PAX3: variants seen among roughly 807,000 people sequenced by gnomAD.
The protein encoded by PAX3 is paired box protein Pax-3.
PAX3 carries 14 observed loss-of-function variants against 51.6 expected under a neutral mutation model. The ratio of observed to expected loss-of-function variants is 0.27; its 90% CI spans 0.18 to 0.42. The LOEUF is 0.42. PAX3 is among the 10% of genes least tolerant of loss of function. PAX3 has a pLI of 1.00. For synonymous variants in PAX3, 280 were observed against 253.4 expected, an observed-to-expected ratio of 1.11 and a Z score of -1.00; for missense variants, 540 against 642.8, an observed-to-expected ratio of 0.84 and a Z score of 1.73.
At chr2:222,205,034 G>A (rs1430461029) in intron 7 of PAX3, among the ~76,000 whole-genome samples, 1 of 152,112 alleles carries the variant, frequency 6.6e-6, no homozygotes, top group African/African-American at 2.4e-5. Flanking sequence ...ATAGGGGATG[G>A]GGGAACTCAA....
chr2:222,296,716 G>T (rs939428742), intron 2 of PAX3, among the ~76,000 whole-genome samples: 1 of 152,162 alleles, frequency 6.6e-6, no homozygotes, highest in Admixed American at 6.5e-5. Context: ...AATTTGATGA[G>T]GATTGCAAGG....
rs761001038 is a variant in PAX3, at chr2:222,221,746, C to T, written c.793-359G>A. On this transcript the variant is annotated intron_variant, in intron 5 of 8. Transcript: ENST00000392070. ...CAGCCTTCTGGGGAGGATACATGAGCCTCTGTGACCCCTGCATGACGCATG... is the reference window on the plus strand; with the variant it reads ...CAGCCTTCTGGGGAGGATACATGAGTCTCTGTGACCCCTGCATGACGCATG... 2.2e-4 allele frequency: 65 copies of T among 299,674 alleles called. 1 individual carries two copies. The highest frequency in any genetic ancestry group is 9.1e-5 in the Non-Finnish European group (14 of 153,604). The allele number at this position is 299,674 out of a possible 1,614,324, so 18.6% of individuals were successfully genotyped here. A position where few individuals can be genotyped will look rare whatever the true frequency, so the allele number is the denominator to read the frequency against.
intron 4 of PAX3, among the ~76,000 whole-genome samples, chr2:222,251,512 T>A (rs1693432013): frequency 6.6e-6 from 1 of 152,214 alleles, no homozygotes; most frequent in Admixed American, 6.5e-5. Flanking sequence ...TCTATCATTG[T>A]TGGACATTTG....
intron 4 of PAX3, among the ~76,000 whole-genome samples, chr2:222,291,250 C>T (rs1373527255): frequency 6.6e-6 from 1 of 152,194 alleles, no homozygotes; most frequent in African/African-American, 2.4e-5. Flanking sequence ...GCCTCTGCTC[C>T]AGTCTCAGCG....
intron 5 of PAX3, among the ~76,000 whole-genome samples, chr2:222,226,453 G>C (rs116824804): frequency 5.9e-5 from 9 of 152,064 alleles, no homozygotes; most frequent in Non-Finnish European, 1.3e-4. Context: ...CATGTGAAAA[G>C]ACCATGGACA....
At chr2:222,292,633 G>A (rs959507946) in intron 4 of PAX3, among the ~76,000 whole-genome samples, 5 of 152,204 alleles carry the variant, frequency 3.3e-5, no homozygotes, top group Admixed American at 3.3e-4. Context: ...GCCCACAGGA[G>A]CACATTTGGT....
intron 7 of PAX3, among the ~76,000 whole-genome samples, chr2:222,205,612 C>T (rs907494891): frequency 2.6e-5 from 4 of 152,024 alleles, no homozygotes; most frequent in African/African-American, 7.2e-5. Flanking sequence ...CCTGAAACTG[C>T]GATTAATAAA....
chr2:222,241,912 T>C (rs1165530335), intron 4 of PAX3, among the ~76,000 whole-genome samples: 1 of 152,232 alleles, frequency 6.6e-6, no homozygotes, highest in Non-Finnish European at 1.5e-5. Flanking sequence ...AGTAATGATA[T>C]ACCCTTCTGT....
At chr2:222,256,415 G>A (rs970655077) in intron 4 of PAX3, among the ~76,000 whole-genome samples, 1 of 151,630 alleles carries the variant, frequency 6.6e-6, no homozygotes. Flanking sequence ...GACCCCTGCC[G>A]TCCTTCCTTG....
intron 5 of PAX3, 86 bp from the exon 6 acceptor site, chr2:222,221,473 A>G (rs1229598707): frequency 7.8e-7 from 1 of 1,287,120 alleles, no homozygotes; most frequent in African/African-American, 1.5e-5. Context: ...AACAGATTAG[A>G]GGCTTCTTAC....
rs909763037 is a variant in PAX3, at chr2:222,298,599, C to G, written c.17G>C (p.Gly6Ala). 1 of 1,606,962 alleles carries G rather than the reference C, an allele frequency of 6.2e-7. No homozygotes were observed. Among genetic ancestry groups the G allele is most frequent in the Non-Finnish European group, 8.5e-7 (1 of 1,177,194 alleles). The change falls in exon 1 of 9, where the codon GGC becomes GCC. Residue 6 changes from glycine (G) to alanine (A), a missense_variant. Physicochemically the swap from Gly to Ala is moderately conservative, Grantham distance 60. Around this residue, in one of 3 missense-constraint regions of PAX3, gnomAD observed 63 missense variants for 49.9 expected, o/e 1.26. Transcript: ENST00000392070. MTTLA[G>A]AVPRMMRPGP... ...CGGCCGCATCATCCTGGGCACAGCG[C>G]CGGCCAGCGTGGTCATCCTGGGGGC...
chr2:222,269,122 C>T (rs1179533019), intron 4 of PAX3, among the ~76,000 whole-genome samples: 1 of 152,234 alleles, frequency 6.6e-6, no homozygotes, highest in Non-Finnish European at 1.5e-5. Context: ...TGTCTGGCTG[C>T]TCTATTAACT....
chr2:222,287,423 A>C (rs1694871162), intron 4 of PAX3: 1 of 152,230 alleles, frequency 6.6e-6, no homozygotes, highest in Non-Finnish European at 1.5e-5. Context: ...CAATTCCCCA[A>C]CTAAAGGCAG....
chr2:222,294,767 C>G (rs1559317370), intron 3 of PAX3, among the ~76,000 whole-genome samples: 2 of 120,220 alleles, frequency 1.7e-5, no homozygotes, highest in Non-Finnish European at 3.5e-5. Flanking sequence ...CGCCCCCCCC[C>G]ACCCCCCCGT....
chr2:222,274,779 G>A (rs1694362922), intron 4 of PAX3, among the ~76,000 whole-genome samples: 1 of 152,096 alleles, frequency 6.6e-6, no homozygotes, highest in Non-Finnish European at 1.5e-5. Context: ...ACCACCCCAA[G>A]CTTGGCAAAG....
intron 4 of PAX3, among the ~76,000 whole-genome samples, chr2:222,250,618 A>C (rs1228829922): frequency 6.6e-6 from 1 of 152,208 alleles, no homozygotes; most frequent in African/African-American, 2.4e-5. Flanking sequence ...ACAAGAAAAA[A>C]GAATGTTTTT....
At chr2:222,296,160 A>G (rs1695282708) in intron 2 of PAX3, among the ~76,000 whole-genome samples, 1 of 152,246 alleles carries the variant, frequency 6.6e-6, no homozygotes, top group African/African-American at 2.4e-5. Context: ...ACAAATATTA[A>G]TTAAGAGAGA....
At chr2:222,276,683 A>G (rs568507814) in intron 4 of PAX3, among the ~76,000 whole-genome samples, 2 of 152,310 alleles carry the variant, frequency 1.3e-5, no homozygotes, top group South Asian at 4.1e-4. Context: ...AGTTTCAGAG[A>G]CCTACAAGAA....
chr2:222,298,506 G>A, intron 1 of PAX3, 25 bp downstream of exon 1: 2 of 1,572,742 alleles, frequency 1.3e-6, no homozygotes, highest in Non-Finnish European at 1.7e-6. Context: ...TGGGATCCAG[G>A]CGGCGCGCTG....
Sources: gnomAD v4.1 joint callset for allele counts (sites outside exome capture counted in the v4.1 genomes callset) on GRCh38, gnomAD v4.1.1 for gene constraint, gnomAD v4.1.1 regional missense constraint, MANE v1.5 for transcripts, NCBI Gene and HGNC (gene_info 2026-07-23, HGNC 2026-07-21) for gene names.